PCDH15: variants seen among roughly 807,000 people sequenced by gnomAD.
PCDH15 encodes the protein protocadherin related 15, also known as protocadherin-15.
In PCDH15, 129 loss-of-function variants were observed where a neutral mutation model predicts 178.5. That is an observed-to-expected ratio of 0.72 (90% CI 0.63 to 0.84). The LOEUF (loss-of-function observed/expected upper bound fraction) is 0.84. PCDH15 is among the 40% of genes least tolerant of loss of function. The pLI, the probability that PCDH15 is intolerant of heterozygous loss-of-function variation, is 0.00. For missense variants in PCDH15, 2,230 were observed against 2,099.9 expected (o/e 1.06, Z -1.21); for synonymous variants, 800 against 732.0 (o/e 1.09, Z -1.50).
intron 8 of PCDH15, among the ~76,000 whole-genome samples, chr10:54,268,697 A>G (rs1019564210): frequency 6.6e-6 from 1 of 151,890 alleles, no homozygotes; most frequent in African/African-American, 2.4e-5. Flanking sequence ...CTTCTTATCA[A>G]TAATAATGTT....
chr10:54,577,887 TAAATAA>T (rs1565647981), intron 2 of PCDH15, among the ~76,000 whole-genome samples: 37 of 131,600 alleles, frequency 2.8e-4, no homozygotes, highest in Non-Finnish European at 5.0e-4. Flanking sequence ...AATAAATAAA[TAAATAA>T]ATATTCCTCT....
At chr10:55,300,615 T>C (rs1358200192) in intron 1 of PCDH15, among the ~76,000 whole-genome samples, 1 of 152,148 alleles carries the variant, frequency 6.6e-6, no homozygotes, top group African/African-American at 2.4e-5. Flanking sequence ...TAAATAATGA[T>C]GAGATTTTTC....
chr10:53,818,066 T>TAAAC (rs2076128933), intron 33 of PCDH15, 53 bp from the exon 34 acceptor site: 2 of 398,028 alleles, frequency 5.0e-6, no homozygotes, highest in Admixed American at 8.8e-5. Context: ...TTTTCGTTAT[T>TAAAC]AAACAAAATG....
intron 2 of PCDH15, among the ~76,000 whole-genome samples, chr10:55,023,572 C>G (rs1385600459): frequency 6.6e-6 from 1 of 152,118 alleles, no homozygotes; most frequent in Non-Finnish European, 1.5e-5. Context: ...CACACACACA[C>G]AGACACACAC....
intron 3 of PCDH15, among the ~76,000 whole-genome samples, chr10:54,814,867 A>G (rs1334639752): frequency 2.0e-5 from 3 of 152,146 alleles, no homozygotes; most frequent in Non-Finnish European, 4.4e-5. Context: ...TCCTGTTTCC[A>G]TCTGATGTGA....
chr10:54,297,772 G>C (rs2059894675), intron 8 of PCDH15, among the ~76,000 whole-genome samples: 1 of 152,170 alleles, frequency 6.6e-6, no homozygotes, highest in East Asian at 1.9e-4. Context: ...GAACTTTTCA[G>C]ATGATCCTGA....
intron 2 of PCDH15, among the ~76,000 whole-genome samples, chr10:55,039,440 A>T (rs1195568742): frequency 6.6e-6 from 1 of 152,150 alleles, no homozygotes; most frequent in African/African-American, 2.4e-5. Context: ...TTCCTCTTCC[A>T]GTAGTTAGGC....
intron 2 of PCDH15, among the ~76,000 whole-genome samples, chr10:55,339,884 A>C (rs1033627930): frequency 1.3e-5 from 2 of 151,884 alleles, no homozygotes; most frequent in African/African-American, 4.8e-5. Context: ...ACTTTGACTA[A>C]GGAGGGAGCT....
At chr10:55,602,145 A>C (rs561786960) in intron 2 of PCDH15, among the ~76,000 whole-genome samples, 5 of 152,248 alleles carry the variant, frequency 3.3e-5, no homozygotes, top group African/African-American at 1.2e-4. Context: ...CTGGAAAATC[A>C]GGTCACTCCC....
chr10:54,570,893 C>T (rs1383899009), intron 2 of PCDH15, among the ~76,000 whole-genome samples: 1 of 150,240 alleles, frequency 6.7e-6, no homozygotes, highest in Non-Finnish European at 1.5e-5. Context: ...GTCTTGAGCT[C>T]CTGGCCTCAC....
chr10:54,567,528 AAT>A (rs1250043451), intron 2 of PCDH15, among the ~76,000 whole-genome samples: 16 of 152,128 alleles, frequency 1.1e-4, no homozygotes, highest in Non-Finnish European at 2.1e-4. Context: ...ACCATTATGA[AAT>A]AGTTGTATTT....
At position 55,620,420 on chromosome 10, in the gene PCDH15, A is replaced by C. The variant is rs564514024; in HGVS notation, c.-156+7205T>G. 3.3e-5 allele frequency among the ~76,000 whole-genome samples: 5 copies of C among 152,218 alleles called. No homozygotes were observed. The East Asian group carries it at 7.7e-4, about 23-fold the overall frequency. On this transcript the variant is annotated intron_variant, in intron 2 of 5. Transcript: ENST00000613346. ...TCCCTCACATTTGTACAAAATGGTC[A>C]GCAAGAATACACATCTACAGAAGTT...
At chr10:55,608,162 T>TA (rs1468373151) in intron 2 of PCDH15, among the ~76,000 whole-genome samples, 9 of 151,548 alleles carry the variant, frequency 5.9e-5, no homozygotes, top group Admixed American at 5.9e-4. Flanking sequence ...TAAAAACAAT[T>TA]ACAAACTTCA....
intron 18 of PCDH15, among the ~76,000 whole-genome samples, chr10:54,023,812 G>A (rs2093001725): frequency 6.6e-6 from 1 of 151,604 alleles, no homozygotes; most frequent in Non-Finnish European, 1.5e-5. Flanking sequence ...TTACAAATGA[G>A]AACACTGTGG....
chr10:54,905,180 T>C (rs1015252654), intron 2 of PCDH15, among the ~76,000 whole-genome samples: 1 of 152,078 alleles, frequency 6.6e-6, no homozygotes, highest in Non-Finnish European at 1.5e-5. Flanking sequence ...ACATTATAAA[T>C]GTGTTGATAC....
At chr10:54,124,686 T>C (rs188480982) in intron 15 of PCDH15, among the ~76,000 whole-genome samples, 1 of 152,324 alleles carries the variant, frequency 6.6e-6, no homozygotes, top group East Asian at 1.9e-4. Flanking sequence ...GTGCCTATGA[T>C]TCACGCACAC....
At chr10:54,470,746 G>A (rs772708355) in intron 3 of PCDH15, among the ~76,000 whole-genome samples, 2 of 152,074 alleles carry the variant, frequency 1.3e-5, no homozygotes, top group South Asian at 2.1e-4. Context: ...GTAGCCAAGC[G>A]GGCTGCCTCG....
intron 9 of PCDH15, among the ~76,000 whole-genome samples, chr10:54,231,431 G>T (rs1238708238): frequency 6.6e-6 from 1 of 152,248 alleles, no homozygotes; most frequent in Non-Finnish European, 1.5e-5. Context: ...GCAGAAATCT[G>T]CTGCAGGGGT....
chr10:53,811,578 A>T lies in PCDH15; in HGVS notation c.4533T>A (p.Tyr1511Ter). Residue 1511 changes from tyrosine to a stop codon, truncating the protein, a stop_gained, in exon 36 of 38, where the codon TAT (tyrosine) becomes TAA (stop). Transcript: ENST00000644397. LOFTEE classifies it high-confidence loss of function. ...MESGIDPGQE[Y>*]GQDYYSYEHG... ...GCTCATAACTGTAATAATCTTGTCC[A>T]TATTCCTGGCCAGGATCAATTCCAG... is the stretch of plus-strand genomic sequence containing the variant. The T allele has an allele frequency of 1.3e-6, 2 of 1,573,136 alleles. No homozygotes were observed. The highest frequency in any genetic ancestry group is 1.7e-6 in the Non-Finnish European group (2 of 1,159,580).
Sources: gnomAD v4.1 joint callset for allele counts (sites outside exome capture counted in the v4.1 genomes callset) on GRCh38, gnomAD v4.1.1 for gene constraint, MANE v1.5 for transcripts, NCBI Gene and HGNC (gene_info 2026-07-23, HGNC 2026-07-21) for gene names.